Variants in CRYBG1 observed in about 807,000 individuals in gnomAD.
CRYBG1 encodes the protein crystallin beta-gamma domain containing 1, also known as beta/gamma crystallin domain-containing protein 1.
CRYBG1 carries 139 observed loss-of-function variants against 189.2 expected under a neutral mutation model. That is an observed-to-expected ratio of 0.73 (90% CI 0.64 to 0.85). The LOEUF (loss-of-function observed/expected upper bound fraction) is 0.85. CRYBG1 is among the 40% of genes least tolerant of loss of function. The pLI is 0.00. For missense variants in CRYBG1, 2,611 were observed against 2,675.8 expected, an observed-to-expected ratio of 0.98 and a Z score of 0.53; for synonymous variants, 1,023 against 1,017.1, an observed-to-expected ratio of 1.01 and a Z score of -0.11.
chr6:106,548,789 A>G (rs1429096063), intron 13 of CRYBG1, among the ~76,000 whole-genome samples: 1 of 151,742 alleles, frequency 6.6e-6, no homozygotes, highest in African/African-American at 2.4e-5. Flanking sequence ...CATGTGCACA[A>G]CGTGCAGGTT....
chr6:106,380,050 G>C (rs1770257215), intron 1 of CRYBG1, among the ~76,000 whole-genome samples: 1 of 152,158 alleles, frequency 6.6e-6, no homozygotes, highest in Non-Finnish European at 1.5e-5. Context: ...ACCGTCTCTA[G>C]GGCATTTCCA....
In CRYBG1 at chr6:106,544,619, A is replaced by G; in HGVS notation, c.5088A>G (p.Leu1696=). 2 of 1,614,050 alleles carry G rather than the reference A, an allele frequency of 1.2e-6. No homozygotes were observed. Among genetic ancestry groups the G allele is most frequent in the Non-Finnish European group, 1.7e-6 (2 of 1,179,926 alleles). ...GATTTACCGGTCATCAGTATTTGCT[A>G]GAAGAAGGAGAATACAGGGACTGGA... ...KPGFTGHQYL[L]EEGEYRDWKA... Residue 1696 remains leucine, a synonymous_variant, in exon 12 of 22, where the codon CTA becomes CTG. Coordinates refer to ENST00000633556, the MANE Select transcript of CRYBG1 (RefSeq NM_001371242.2).
chr6:106,386,407 T>A (rs1334218717), intron 1 of CRYBG1, among the ~76,000 whole-genome samples: 1 of 152,100 alleles, frequency 6.6e-6, no homozygotes, highest in East Asian at 1.9e-4. Flanking sequence ...ATAGGCTGTG[T>A]GTGGACTAAA....
chr6:106,480,678 A>C (rs1008771512), intron 2 of CRYBG1, among the ~76,000 whole-genome samples: 1 of 144,924 alleles, frequency 6.9e-6, no homozygotes, highest in Non-Finnish European at 1.5e-5. Flanking sequence ...AAAAGAAAAA[A>C]AAAAATTTGG....
At chr6:106,377,291 AATG>A (rs57033687) in intron 1 of CRYBG1, among the ~76,000 whole-genome samples, 5,643 of 152,194 alleles carry the variant, frequency 0.037, 359 homozygotes, top group African/African-American at 0.13. Flanking sequence ...TTGTGAGCTG[AATG>A]GATACCACGT....
intron 1 of CRYBG1, among the ~76,000 whole-genome samples, chr6:106,389,502 G>A (rs1770458385): frequency 6.6e-6 from 1 of 152,046 alleles, no homozygotes; most frequent in African/African-American, 2.4e-5. Flanking sequence ...CAAAATTGAT[G>A]TATTCTTTCA....
At chr6:106,495,436 C>T (rs1181557) in intron 2 of CRYBG1, among the ~76,000 whole-genome samples, 115,730 of 152,006 alleles carry the variant, frequency 0.76, 45,009 homozygotes, top group African/African-American at 0.93. Flanking sequence ...TGAAGTTTTT[C>T]CTTTTCATTG....
intron 21 of CRYBG1, among the ~76,000 whole-genome samples, chr6:106,564,882 T>TA (rs1156428667): frequency 6.6e-6 from 1 of 152,230 alleles, no homozygotes; most frequent in East Asian, 1.9e-4. Context: ...GAACTGGTGA[T>TA]AATGTAACCA....
intron 2 of CRYBG1, among the ~76,000 whole-genome samples, chr6:106,466,968 G>A (rs1772126769): frequency 1.3e-5 from 2 of 152,176 alleles, no homozygotes; most frequent in South Asian, 2.1e-4. Flanking sequence ...GAAATAAAAA[G>A]CTTTGAAAGC....
intron 1 of CRYBG1, among the ~76,000 whole-genome samples, chr6:106,371,040 G>T (rs1224457606): frequency 6.6e-6 from 1 of 152,084 alleles, no homozygotes; most frequent in African/African-American, 2.4e-5. Flanking sequence ...CTCAATTCAT[G>T]ATTTTTTAAA....
intron 2 of CRYBG1, among the ~76,000 whole-genome samples, chr6:106,479,200 A>G (rs530048046): frequency 3.7e-4 from 56 of 152,270 alleles, no homozygotes; most frequent in African/African-American, 1.3e-3. Context: ...ATGGACATAT[A>G]TTTTCAATTC....
chr6:106,389,829 A>C (rs556101513), intron 1 of CRYBG1, among the ~76,000 whole-genome samples: 1 of 152,042 alleles, frequency 6.6e-6, no homozygotes, highest in African/African-American at 2.4e-5. Context: ...GTCGACTCCT[A>C]TAGTGAGAGG....
At chr6:106,437,768 C>T (rs1232851350) in intron 1 of CRYBG1, among the ~76,000 whole-genome samples, 1 of 152,128 alleles carries the variant, frequency 6.6e-6, no homozygotes, top group Non-Finnish European at 1.5e-5. Context: ...TGCTTTTAAT[C>T]GTAGGAAGTT....
intron 1 of CRYBG1, among the ~76,000 whole-genome samples, chr6:106,390,594 A>G (rs369631465): frequency 1.7e-5 from 2 of 117,666 alleles, no homozygotes; most frequent in East Asian, 7.2e-4. Flanking sequence ...CACTCCCCCT[A>G]CGCCCCGTCA....
intron 2 of CRYBG1, among the ~76,000 whole-genome samples, chr6:106,487,398 G>A (rs1562084404): frequency 6.6e-6 from 1 of 152,094 alleles, no homozygotes; most frequent in African/African-American, 2.4e-5. Flanking sequence ...GTGTTTTTAT[G>A]ATATTAATTA....
chr6:106,555,297 T>TAGTA (rs34098930), intron 16 of CRYBG1, among the ~76,000 whole-genome samples: 107,895 of 151,350 alleles, frequency 0.71, 39,780 homozygotes, highest in South Asian at 0.83. Context: ...TAAGTCAATA[T>TAGTA]AGTATTTTGA....
intron 8 of CRYBG1, among the ~76,000 whole-genome samples, chr6:106,531,424 T>C (rs904236388): frequency 2.0e-5 from 3 of 152,208 alleles, no homozygotes; most frequent in African/African-American, 7.2e-5. Flanking sequence ...TGTTATTCCA[T>C]AGGAGGTCCC....
At chr6:106,537,106 A>G (rs1243412207) in intron 8 of CRYBG1, among the ~76,000 whole-genome samples, 4 of 152,234 alleles carry the variant, frequency 2.6e-5, no homozygotes, top group Non-Finnish European at 5.9e-5. Context: ...TCTACCCAGA[A>G]TGACTTTCCT....
intron 2 of CRYBG1, among the ~76,000 whole-genome samples, chr6:106,486,391 C>G (rs1380298804): frequency 3.9e-5 from 6 of 151,996 alleles, no homozygotes; most frequent in Non-Finnish European, 8.8e-5. Flanking sequence ...GAAGAATATT[C>G]TATGTGTGGT....
Sources: gnomAD v4.1 joint callset for allele counts (sites outside exome capture counted in the v4.1 genomes callset) on GRCh38, gnomAD v4.1.1 for gene constraint, MANE v1.5 for transcripts, NCBI Gene and HGNC (gene_info 2026-07-23, HGNC 2026-07-21) for gene names.